LPP: variants seen among roughly 807,000 people sequenced by gnomAD.
The protein encoded by LPP is LIM domain containing preferred translocation partner in lipoma, also known as lipoma-preferred partner.
A neutral mutation model predicts 60.4 loss-of-function variants in LPP; 38 were observed. The observed-to-expected ratio is 0.63, with a 90% CI of 0.49 to 0.83. The LOEUF is 0.83. Among genes scored for constraint, LPP ranks in the 40% least tolerant of loss-of-function variants. LPP has a pLI of 0.00. For synonymous variants in LPP, 328 were observed against 290.8 expected (o/e 1.13, Z -1.30); for missense variants, 902 against 783.6 (o/e 1.15, Z -1.80).
At chr3:188,386,169 G>T (rs1228057536) in intron 3 of LPP, among the ~76,000 whole-genome samples, 3 of 151,192 alleles carry the variant, frequency 2.0e-5, no homozygotes, top group Non-Finnish European at 2.9e-5. Flanking sequence ...GGCATATCAG[G>T]AAATAGGAAA....
At chr3:188,737,116 TTTCC>T (rs10555650) in intron 8 of LPP, among the ~76,000 whole-genome samples, 32,989 of 152,032 alleles carry the variant, frequency 0.22, 4,142 homozygotes, top group Middle Eastern at 0.42. Context: ...CCCCCCTAAT[TTTCC>T]TTAATTTTCA....
chr3:188,671,139 C>T (rs987752263), intron 7 of LPP, among the ~76,000 whole-genome samples: 2 of 152,170 alleles, frequency 1.3e-5, no homozygotes, highest in Admixed American at 1.3e-4. Flanking sequence ...GGCTCTGCCT[C>T]TTTTATGGCA....
At chr3:188,372,091 GAC>G (rs1307163777) in intron 3 of LPP, among the ~76,000 whole-genome samples, 13 of 151,738 alleles carry the variant, frequency 8.6e-5, no homozygotes, top group Admixed American at 3.9e-4. Context: ...AGTGAGCTTA[GAC>G]AGAGATGCCT....
chr3:188,791,719 C>T (rs1375790164), intron 9 of LPP, among the ~76,000 whole-genome samples: 1 of 152,160 alleles, frequency 6.6e-6, no homozygotes, highest in Non-Finnish European at 1.5e-5. Context: ...CAGGTCTCAG[C>T]TGATTTTTCA....
In LPP at chr3:188,616,147, G is replaced by C. The variant is rs556548901; in HGVS notation, c.1113+6303G>C. 5.9e-5 allele frequency among the ~76,000 whole-genome samples: 9 copies of C among 152,272 alleles called. No homozygotes were observed. The East Asian group carries it at 1.5e-3, about 26-fold the overall frequency. On this transcript the variant is annotated intron_variant, in intron 7 of 11. Coordinates refer to ENST00000617246, the MANE Select transcript of LPP (RefSeq NM_001375462.1). ...TTGCTTTTGGCGTTTTCATCATGAA[G>C]CCGTTGCCCATGCCTGTGTCCTGAA...
At chr3:188,765,780 G>T (rs1235170209) in intron 9 of LPP, among the ~76,000 whole-genome samples, 1 of 148,100 alleles carries the variant, frequency 6.8e-6, no homozygotes, top group Non-Finnish European at 1.5e-5. Context: ...GGGATAAAAT[G>T]ATCTTCCTGC....
chr3:188,643,130 T>C (rs1850481269), intron 7 of LPP, among the ~76,000 whole-genome samples: 1 of 152,220 alleles, frequency 6.6e-6, no homozygotes, highest in Non-Finnish European at 1.5e-5. Context: ...GAATTTTGAA[T>C]GTTTAGAGCT....
chr3:188,318,610 A>C (rs1003286751), intron 2 of LPP, among the ~76,000 whole-genome samples: 1 of 152,038 alleles, frequency 6.6e-6, no homozygotes, highest in African/African-American at 2.4e-5. Context: ...ACCTACTTAC[A>C]TAAGTACCTA....
At chr3:188,197,232 C>T (rs1729790162) in intron 1 of LPP, among the ~76,000 whole-genome samples, 1 of 152,020 alleles carries the variant, frequency 6.6e-6, no homozygotes, top group African/African-American at 2.4e-5. Flanking sequence ...TGGGACAGTG[C>T]AGAGGAGACC....
intron 6 of LPP, among the ~76,000 whole-genome samples, chr3:188,543,027 G>T (rs1460105809): frequency 6.6e-6 from 1 of 152,060 alleles, no homozygotes; most frequent in Non-Finnish European, 1.5e-5. Context: ...CATGCCTCAG[G>T]TCTGACTGCT....
At chr3:188,250,064 C>T (rs1220079033) in intron 2 of LPP, among the ~76,000 whole-genome samples, 1 of 152,104 alleles carries the variant, frequency 6.6e-6, no homozygotes, top group East Asian at 1.9e-4. Context: ...TTCAATACTT[C>T]AGTCTACTGT....
intron 8 of LPP, among the ~76,000 whole-genome samples, chr3:188,745,895 G>A (rs891870133): frequency 4.6e-5 from 7 of 152,078 alleles, no homozygotes; most frequent in African/African-American, 1.7e-4. Flanking sequence ...ACTGAGGCCC[G>A]TGGTGGTTAA....
chr3:188,643,873 A>G (rs1850643493), intron 7 of LPP, among the ~76,000 whole-genome samples: 2 of 152,344 alleles, frequency 1.3e-5, no homozygotes, highest in Non-Finnish European at 2.9e-5. Context: ...GACACAAGGT[A>G]GAAAATAGTA....
At chr3:188,317,668 G>C (rs538990849) in intron 2 of LPP, among the ~76,000 whole-genome samples, 1 of 152,326 alleles carries the variant, frequency 6.6e-6, no homozygotes, top group South Asian at 2.1e-4. Flanking sequence ...CAACTAAGCA[G>C]GGTTGTGAGA....
At chr3:188,393,130 G>A (rs148885430) in intron 3 of LPP, among the ~76,000 whole-genome samples, 1 of 151,092 alleles carries the variant, frequency 6.6e-6, no homozygotes, top group Non-Finnish European at 1.5e-5. Flanking sequence ...TCTCGTATGT[G>A]TGGGGTCAGG....
chr3:188,869,937 G>A (rs1013316766), intron 10 of LPP, among the ~76,000 whole-genome samples: 4 of 152,038 alleles, frequency 2.6e-5, no homozygotes, highest in Admixed American at 6.6e-5. Context: ...TAACACACAC[G>A]TACACATTTT....
At chr3:188,361,154 T>C (rs960790284) in intron 3 of LPP, among the ~76,000 whole-genome samples, 3 of 152,166 alleles carry the variant, frequency 2.0e-5, no homozygotes, top group Non-Finnish European at 2.9e-5. Flanking sequence ...CTCATACCAA[T>C]AGTTGTGAGC....
chr3:188,228,813 T>A (rs1427214043), intron 2 of LPP, among the ~76,000 whole-genome samples: 1 of 152,190 alleles, frequency 6.6e-6, no homozygotes, highest in East Asian at 1.9e-4. Flanking sequence ...GGAACAATAA[T>A]CATTGCCCTG....
chr3:188,594,556 G>A (rs1839610913), intron 6 of LPP, among the ~76,000 whole-genome samples: 1 of 152,064 alleles, frequency 6.6e-6, no homozygotes, highest in Admixed American at 6.5e-5. Context: ...CCAGTAGCTG[G>A]CAACATTCCT....
Sources: allele counts gnomAD v4.1 joint callset (sites outside exome capture counted in the v4.1 genomes callset), GRCh38; gene constraint gnomAD v4.1.1; transcripts MANE v1.5; gene names NCBI Gene and HGNC (gene_info 2026-07-23, HGNC 2026-07-21).